FBXO21: variants seen among roughly 807,000 people sequenced by gnomAD.
FBXO21 encodes the protein F-box protein 21, also known as F-box only protein 21.
A neutral mutation model predicts 76.6 loss-of-function variants in FBXO21; 32 were observed. The ratio of observed to expected loss-of-function variants is 0.42; its 90% CI spans 0.32 to 0.56. FBXO21 has a LOEUF of 0.56. FBXO21 is among the 20% of genes least tolerant of loss of function. The pLI is 0.16. For synonymous variants in FBXO21, 328 were observed against 311.5 expected, an observed-to-expected ratio of 1.05 and a Z score of -0.56; for missense variants, 586 against 797.3, an observed-to-expected ratio of 0.73 and a Z score of 3.19.
rs1293521445 is a variant in FBXO21 at position 117,142,061 on chromosome 12, C to A, written c.*4026G>T. On this transcript the variant is annotated 3_prime_UTR_variant, in exon 12 of 12. Transcript: ENST00000622495. The stretch of plus-strand genomic sequence containing the variant: ...CAGTCATTGCTACGTGGCCATAATA[C>A]ATGTATTCTATAATTGCGCCTAATT... 6.6e-6 allele frequency: 1 copy of A among 152,204 alleles called. No individual in the cohort carries two copies. The highest frequency in any genetic ancestry group is 6.5e-5 in the Admixed American group (1 of 15,282). 9.4% of individuals were successfully genotyped at this position (152,204 alleles called of 1,614,324 possible).
Position 117,166,959 on chromosome 12 carries a change from C to T in FBXO21, c.1132G>A (p.Val378Met). The T allele has an allele frequency of 6.2e-7, 1 of 1,614,166 alleles. No individual in the cohort carries two copies. Among genetic ancestry groups the T allele is most frequent in the Non-Finnish European group, 8.5e-7 (1 of 1,180,014 alleles). The change falls in exon 8 of 12, where the codon GTG becomes ATG. Residue 378 changes from valine (V) to methionine (M), a missense_variant. Transcript: ENST00000622495. ...GQHVTAALYG[V>M]VNVKKVLQRM... ...TGTAACACCTTCTTGACATTGACCA[C>T]CCCATACAGTGCTGCAGTCACGTGC...
At chr12:117,186,036 C>T (rs1427437746) in intron 3 of FBXO21, among the ~76,000 whole-genome samples, 1 of 152,130 alleles carries the variant, frequency 6.6e-6, no homozygotes, top group East Asian at 1.9e-4. Flanking sequence ...CCACACCCAG[C>T]TAATTTTTTG....
At chr12:117,178,627 G>T (rs917152060) in intron 3 of FBXO21, among the ~76,000 whole-genome samples, 3 of 151,632 alleles carry the variant, frequency 2.0e-5, no homozygotes, top group Non-Finnish European at 4.4e-5. Context: ...AAGCATTCCA[G>T]CTGTTCCTTT....
chr12:117,176,016 T>C (rs1392906669), intron 4 of FBXO21, among the ~76,000 whole-genome samples: 1 of 152,194 alleles, frequency 6.6e-6, no homozygotes, highest in Non-Finnish European at 1.5e-5. Flanking sequence ...ATTCTAGCAG[T>C]GAGAATTTAT....
At chr12:117,152,821 GT>G (rs1406802229) in intron 11 of FBXO21, among the ~76,000 whole-genome samples, 1 of 152,170 alleles carries the variant, frequency 6.6e-6, no homozygotes, top group Non-Finnish European at 1.5e-5. Flanking sequence ...CAGGAAAACA[GT>G]AAAATCTCTA....
At chr12:117,149,540 G>GT (rs1387771868) in intron 11 of FBXO21, among the ~76,000 whole-genome samples, 1 of 152,186 alleles carries the variant, frequency 6.6e-6, no homozygotes, top group Non-Finnish European at 1.5e-5. Flanking sequence ...GGGACATCTG[G>GT]TAAGGCCTGC....
At chr12:117,182,089 C>A (rs955871309) in intron 3 of FBXO21, among the ~76,000 whole-genome samples, 8 of 152,206 alleles carry the variant, frequency 5.3e-5, no homozygotes, top group African/African-American at 1.7e-4. Flanking sequence ...CTTTTTCCTT[C>A]CCATGCTTTC....
chr12:117,148,813 G>A (rs1955807666), intron 11 of FBXO21, among the ~76,000 whole-genome samples: 1 of 152,114 alleles, frequency 6.6e-6, no homozygotes, highest in South Asian at 2.1e-4. Context: ...CCAAAGGGAC[G>A]CTCCAGCCCA....
intron 11 of FBXO21, among the ~76,000 whole-genome samples, chr12:117,151,419 G>T (rs1242867121): frequency 6.6e-6 from 1 of 152,150 alleles, no homozygotes; most frequent in African/African-American, 2.4e-5. Context: ...TGTCATATAT[G>T]TATGTGATTT....
chr12:117,189,630 T>G (rs1956324152), intron 1 of FBXO21, among the ~76,000 whole-genome samples: 1 of 152,136 alleles, frequency 6.6e-6, no homozygotes, highest in Middle Eastern at 3.2e-3. Context: ...ACAATGACAG[T>G]GAGCACTGAT....
intron 11 of FBXO21, chr12:117,155,348 T>G: frequency 6.0e-6 from 1 of 168,008 alleles, no homozygotes; most frequent in Non-Finnish European, 1.3e-5. Flanking sequence ...GCCGGCGCAG[T>G]GGGCTGCAGT....
chr12:117,146,795 C>G (rs1955775795), intron 11 of FBXO21, among the ~76,000 whole-genome samples: 1 of 152,202 alleles, frequency 6.6e-6, no homozygotes, highest in African/African-American at 2.4e-5. Flanking sequence ...CAACAGAGAG[C>G]AGCCTCTTTC....
In FBXO21 at chr12:117,143,017, T is replaced by C. The variant is rs1349886635; in HGVS notation, c.*3070A>G. On this transcript the variant is annotated 3_prime_UTR_variant, in exon 12 of 12. Coordinates refer to ENST00000622495, the MANE Select transcript of FBXO21 (RefSeq NM_015002.3). The stretch of plus-strand genomic sequence containing the variant: ...TGTGTAAACGCGCTTATAATGGGGA[T>C]CTGTTATGAGTCTCAGGCAGGCGAC... 1 of 152,204 alleles carries C rather than the reference T, an allele frequency of 6.6e-6. No individual in the cohort carries two copies. The highest frequency in any genetic ancestry group is 1.5e-5 in the Non-Finnish European group (1 of 68,040). The allele number at this position is 152,204 out of a possible 1,614,324, so 9.4% of individuals were successfully genotyped here.
chr12:117,154,716 C>T (rs919350718), intron 11 of FBXO21, among the ~76,000 whole-genome samples: 1 of 152,242 alleles, frequency 6.6e-6, no homozygotes, highest in African/African-American at 2.4e-5. Flanking sequence ...CTGCCTCACC[C>T]TCTCGAAGTG....
chr12:117,161,826 T>C (rs936465749), intron 9 of FBXO21, among the ~76,000 whole-genome samples: 3 of 151,886 alleles, frequency 2.0e-5, no homozygotes, highest in Non-Finnish European at 4.4e-5. Context: ...AGGGAGGAAA[T>C]AGCAAGAGCC....
intron 11 of FBXO21, among the ~76,000 whole-genome samples, chr12:117,150,956 TTG>T (rs3999685): frequency 0.047 from 4,424 of 94,538 alleles, 144 homozygotes; most frequent in South Asian, 0.086. Flanking sequence ...TCAAATAAGT[TTG>T]TGTGTGTGTG....
At chr12:117,181,554 T>A (rs756849728) in intron 3 of FBXO21, among the ~76,000 whole-genome samples, 5 of 151,932 alleles carry the variant, frequency 3.3e-5, no homozygotes, top group African/African-American at 1.2e-4. Flanking sequence ...TCTATCTATC[T>A]ATCTGAGACA....
chr12:117,174,716 A>G lies in FBXO21; in HGVS notation c.674T>C (p.Val225Ala). ...KDIQAQIDSI[V>A]ELVCKTLRGI... ...CCGAAGGGTTTTGCAAACAAGCTCC[A>G]CGATGCTGTCAATTTGGGCCTGGAT... is the stretch of plus-strand genomic sequence containing the variant. The change falls in exon 5 of 12, where the codon GTG becomes GCG. Residue 225 changes from valine (V) to alanine (A), a missense_variant. Val to Ala is a moderately conservative substitution (Grantham distance 64). This residue lies in a region of FBXO21 where 246 missense variants were observed against 356.8 expected (regional missense o/e 0.69). Transcript: ENST00000622495. 1 of 1,614,194 alleles carries G rather than the reference A, an allele frequency of 6.2e-7. No homozygotes were observed. The highest frequency in any genetic ancestry group is 8.5e-7 in the Non-Finnish European group (1 of 1,180,032).
chr12:117,177,533 C>A lies in FBXO21; in HGVS notation c.579G>T (p.Glu193Asp). The change falls in exon 4 of 12, where the codon GAG becomes GAT. Residue 193 changes from glutamate to aspartate, a missense_variant. By Grantham distance (45) the Glu-to-Asp change is conservative. Coordinates refer to ENST00000622495, the MANE Select transcript of FBXO21 (RefSeq NM_015002.3). ...KAFLQQPDDY[E>D]SYLEGAVYID... ...GAAAAGACCCACCTTCAAGATACGACTCATAGTCATCTGGCTGCTGAAGAA... is the reference window on the plus strand; with the variant it reads ...GAAAAGACCCACCTTCAAGATACGAATCATAGTCATCTGGCTGCTGAAGAA... 6.2e-7 allele frequency: 1 copy of A among 1,613,574 alleles called. No individual in the cohort carries two copies. Among genetic ancestry groups the A allele is most frequent in the Non-Finnish European group, 8.5e-7 (1 of 1,179,718 alleles).
Sources: gnomAD v4.1 joint callset for allele counts (sites outside exome capture counted in the v4.1 genomes callset) on GRCh38, gnomAD v4.1.1 for gene constraint, gnomAD v4.1.1 regional missense constraint, MANE v1.5 for transcripts, NCBI Gene and HGNC (gene_info 2026-07-23, HGNC 2026-07-21) for gene names.